The following WDR45B variants were observed in gnomAD, a reference collection of about 807,000 sequenced individuals.
WDR45B encodes WD repeat domain 45B.
WDR45B carries 20 observed loss-of-function variants against 44.6 expected under a neutral mutation model. The ratio of observed to expected loss-of-function variants is 0.45; its 90% CI spans 0.32 to 0.65. The LOEUF is 0.65. Ranked by LOEUF, WDR45B falls within the 30% of genes least tolerant of loss-of-function variation. The probability of loss-of-function intolerance (pLI) is 0.05; values close to 1 mark genes in which losing one functional copy is unlikely to be tolerated. For synonymous variants in WDR45B, 169 were observed against 164.9 expected, an observed-to-expected ratio of 1.02 and a Z score of -0.19; for missense variants, 323 against 430.2, an observed-to-expected ratio of 0.75 and a Z score of 2.20.
At chr17:82,639,786 T>G (rs1476509848) in intron 2 of WDR45B, among the ~76,000 whole-genome samples, 7 of 128,888 alleles carry the variant, frequency 5.4e-5, no homozygotes, top group Admixed American at 1.5e-4. Flanking sequence ...TGTGTGTGTG[T>G]GGGGTCGGGA....
chr17:82,640,790 C>T (rs1025445293), intron 2 of WDR45B, among the ~76,000 whole-genome samples: 4 of 152,126 alleles, frequency 2.6e-5, no homozygotes, highest in Admixed American at 2.0e-4. Flanking sequence ...AAGCTGGAAA[C>T]GGGAGCACAC....
rs78425104 is a variant in WDR45B, at chr17:82,616,232, C to T, written c.929-207G>A. Among the ~76,000 whole-genome samples, 5 of 152,294 alleles carry T rather than the reference C, an allele frequency of 3.3e-5. No individual in the cohort carries two copies. In the South Asian group the frequency reaches 6.2e-4, roughly 19 times the overall value. Reference sequence around the variant, plus strand: ...GTCTTGGTGTGAGCATCTAATCACCCGGTGTTGGCTACAGGGTTAAGAAAC... The same window carrying T: ...GTCTTGGTGTGAGCATCTAATCACCTGGTGTTGGCTACAGGGTTAAGAAAC... On this transcript the variant is annotated intron_variant, in intron 9 of 9. Transcript: ENST00000392325.
chr17:82,631,687 C>T (rs1290566038), intron 2 of WDR45B, among the ~76,000 whole-genome samples: 1 of 150,750 alleles, frequency 6.6e-6, no homozygotes, highest in African/African-American at 2.5e-5. Context: ...CAAATTCTCT[C>T]AGTTTACTGT....
chr17:82,617,483 G>A, intron 7 of WDR45B, 86 bp from the exon 8 acceptor site: 1 of 1,334,542 alleles, frequency 7.5e-7, no homozygotes, highest in African/African-American at 1.4e-5. Context: ...CGACACTGTG[G>A]AACACCTCAA....
intron 6 of WDR45B, 67 bp downstream of exon 6, chr17:82,621,542 A>C: frequency 3.8e-6 from 6 of 1,597,760 alleles, no homozygotes; most frequent in Non-Finnish European, 5.1e-6. Flanking sequence ...TGATACAGGG[A>C]ATGGCCATTT....
intron 3 of WDR45B, 46 bp from the exon 4 acceptor site, chr17:82,627,337 T>C (rs1598267113): frequency 6.7e-7 from 1 of 1,498,578 alleles, no homozygotes; most frequent in Non-Finnish European, 9.2e-7. Flanking sequence ...CAGCAGGCCA[T>C]GGCGCTGGGA....
intron 6 of WDR45B, 141 bp from the exon 7 acceptor site, chr17:82,619,269 C>T: frequency 2.5e-6 from 2 of 803,566 alleles, no homozygotes; most frequent in Non-Finnish European, 4.2e-6. Flanking sequence ...TTAACTTTCT[C>T]CTCCAACTGC....
chr17:82,647,144 G>A (rs866834786), intron 1 of WDR45B, among the ~76,000 whole-genome samples: 26 of 152,208 alleles, frequency 1.7e-4, no homozygotes, highest in Admixed American at 3.3e-4. Context: ...CAGGAGAATG[G>A]CGTGAACCCG....
intron 5 of WDR45B, among the ~76,000 whole-genome samples, chr17:82,624,631 T>C (rs374260887): frequency 3.3e-5 from 5 of 151,268 alleles, no homozygotes; most frequent in African/African-American, 1.2e-4. Context: ...GAAGTTTTTT[T>C]TTTTTGAGAT....
At chr17:82,648,091 G>C (rs1248916344) in intron 1 of WDR45B, among the ~76,000 whole-genome samples, 183 bp downstream of exon 1, 1 of 149,834 alleles carries the variant, frequency 6.7e-6, no homozygotes, top group African/African-American at 2.5e-5. Context: ...TCCGGACCCC[G>C]GCTCGGGCTG....
chr17:82,621,648 G>C lies in WDR45B; in HGVS notation c.579C>G (p.Leu193=). ...AHEGVLSCIA[L]NLQGTRIATA... ...TTGCAATTCTTGTTCCCTGCAGGTT[G>C]AGTGCAATGCAGCTCAGGACACCCT... The change falls in exon 6 of 10, where the codon CTC becomes CTG. Residue 193 remains leucine (L), a synonymous_variant. Coordinates refer to ENST00000392325, the MANE Select transcript of WDR45B (RefSeq NM_019613.4). 2.5e-6 allele frequency: 4 copies of C among 1,614,216 alleles called. No homozygotes were observed. Among genetic ancestry groups the C allele is most frequent in the Non-Finnish European group, 3.4e-6 (4 of 1,180,046 alleles).
intron 7 of WDR45B, among the ~76,000 whole-genome samples, chr17:82,617,765 G>T (rs985097677): frequency 1.3e-5 from 2 of 152,164 alleles, no homozygotes; most frequent in Non-Finnish European, 2.9e-5. Context: ...CAATGATCCT[G>T]GCCTCAGGAA....
At position 82,615,601 on chromosome 17, in the gene WDR45B, C is replaced by T. The variant is rs1329912211; in HGVS notation, c.*318G>A. On this transcript the variant is annotated 3_prime_UTR_variant, in exon 10 of 10. Coordinates refer to ENST00000392325, the MANE Select transcript of WDR45B (RefSeq NM_019613.4). ...ACCCTCTCAGCCCAGTCCCCAGGTC[C>T]GTATGGAGCCCCCGTCAGTGTGAGG... 5 of 427,002 alleles carry T rather than the reference C, an allele frequency of 1.2e-5. No individual in the cohort carries two copies. Among genetic ancestry groups the T allele is most frequent in the East Asian group, 4.9e-5 (1 of 20,334 alleles). 26.5% of individuals were successfully genotyped at this position (427,002 alleles called of 1,614,324 possible).
chr17:82,631,031 A>G lies in WDR45B; in HGVS notation c.143-9T>C. 1 of 1,611,770 alleles carries G rather than the reference A, an allele frequency of 6.2e-7. No individual in the cohort carries two copies. Among genetic ancestry groups the G allele is most frequent in the Non-Finnish European group, 8.5e-7 (1 of 1,178,010 alleles). ...TCCTCCTTCTAGAAATTCTGAAATG[A>G]TAGTTTTAAAAAGACCAATGTTACA... On this transcript the variant is annotated splice_polypyrimidine_tract_variant and intron_variant, in intron 2 of 9. Transcript: ENST00000392325.
chr17:82,635,758 T>G (rs1419640714), intron 2 of WDR45B, among the ~76,000 whole-genome samples: 1 of 152,002 alleles, frequency 6.6e-6, no homozygotes, highest in African/African-American at 2.4e-5. Flanking sequence ...AGTCATTCCC[T>G]TAGCAAGATG....
At chr17:82,623,698 A>G (rs568794924) in intron 5 of WDR45B, among the ~76,000 whole-genome samples, 5 of 142,776 alleles carry the variant, frequency 3.5e-5, no homozygotes, top group Non-Finnish European at 7.8e-5. Flanking sequence ...ACCCCATCTC[A>G]TATTAAAAAA....
At chr17:82,625,552 C>T (rs768839206) in intron 4 of WDR45B, 69 bp from the exon 5 acceptor site, 8 of 1,364,352 alleles carry the variant, frequency 5.9e-6, no homozygotes, top group Non-Finnish European at 7.3e-6. Context: ...TGCTCCTGTT[C>T]TTATCATACT....
At chr17:82,641,720 C>T (rs1047887043) in intron 2 of WDR45B, among the ~76,000 whole-genome samples, 1 of 152,112 alleles carries the variant, frequency 6.6e-6, no homozygotes, top group Admixed American at 6.5e-5. Context: ...CACAGTGAAA[C>T]ACCGTCTCTA....
intron 2 of WDR45B, among the ~76,000 whole-genome samples, chr17:82,634,478 C>T (rs1008388046): frequency 2.0e-5 from 3 of 150,042 alleles, no homozygotes; most frequent in Non-Finnish European, 2.9e-5. Context: ...GGCGACAGGG[C>T]GAGACTCTGT....
Sources: allele counts gnomAD v4.1 joint callset (sites outside exome capture counted in the v4.1 genomes callset), GRCh38; gene constraint gnomAD v4.1.1; transcripts MANE v1.5; gene names NCBI Gene and HGNC (gene_info 2026-07-23, HGNC 2026-07-21).